The following RUSC2 variants were observed in gnomAD, a reference collection of about 807,000 sequenced individuals.
RUSC2 encodes the protein RUN and SH3 domain containing 2, also known as AP-4 complex accessory subunit RUSC2.
A neutral mutation model predicts 122.2 loss-of-function variants in RUSC2; 34 were observed. The ratio of observed to expected loss-of-function variants is 0.28; its 90% CI spans 0.21 to 0.37. The LOEUF (loss-of-function observed/expected upper bound fraction) is 0.37, where lower values mean the gene tolerates loss of function less well. Among genes scored for constraint, RUSC2 ranks in the 10% least tolerant of loss-of-function variants. RUSC2 has a pLI of 1.00. For synonymous variants in RUSC2, 784 were observed against 790.0 expected, an observed-to-expected ratio of 0.99 and a Z score of 0.13; for missense variants, 1,747 against 1,952.4, an observed-to-expected ratio of 0.89 and a Z score of 1.98.
chr9:35,498,735 C>T (rs1027213761), intron 1 of RUSC2, among the ~76,000 whole-genome samples: 4 of 151,234 alleles, frequency 2.6e-5, no homozygotes, highest in African/African-American at 9.7e-5. Flanking sequence ...GTGGTGCGTG[C>T]CTGTAGTCCC....
chr9:35,507,233 A>T lies in RUSC2; in HGVS notation c.-93+17061A>T, dbSNP rs1438316105. Among the ~76,000 whole-genome samples the T allele has an allele frequency of 2.0e-5, 3 of 152,244 alleles. No individual in the cohort carries two copies. The East Asian group carries it at 5.8e-4, about 29-fold the overall frequency. On this transcript the variant is annotated intron_variant, in intron 1 of 11. Coordinates refer to ENST00000361226, the MANE Select transcript of RUSC2 (RefSeq NM_014806.5). Reference sequence around the variant, plus strand: ...AATTTTGCATGGATGTAATTGTAGCATTAAGATTATTTTATATTCTGCTTT... The same window carrying T: ...AATTTTGCATGGATGTAATTGTAGCTTTAAGATTATTTTATATTCTGCTTT...
At chr9:35,494,988 T>G (rs1587831509) in intron 1 of RUSC2, among the ~76,000 whole-genome samples, 1 of 117,374 alleles carries the variant, frequency 8.5e-6, no homozygotes, top group East Asian at 2.2e-4. Flanking sequence ...ATATAATATA[T>G]ATTTTATATA....
rs1821636853 is a variant in RUSC2 at position 35,541,287 on chromosome 9, A to G, written c.-92-5143A>G. Among the ~76,000 whole-genome samples, 4 of 151,958 alleles carry G rather than the reference A, an allele frequency of 2.6e-5. No individual in the cohort carries two copies. In the South Asian group the frequency reaches 8.3e-4, roughly 32 times the overall value. On this transcript the variant is annotated intron_variant, in intron 1 of 11. Transcript: ENST00000361226. Reference sequence around the variant, plus strand: ...CCATGTCTCTCCATTTAGTCAGGGCAGAAAAAGTCTGAAATGAGCTCTTCC... The same window carrying G: ...CCATGTCTCTCCATTTAGTCAGGGCGGAAAAAGTCTGAAATGAGCTCTTCC...
chr9:35,544,951 C>T (rs1821716728), intron 1 of RUSC2, among the ~76,000 whole-genome samples: 1 of 152,190 alleles, frequency 6.6e-6, no homozygotes, highest in South Asian at 2.1e-4. Context: ...ATTAAACACA[C>T]AAAGGCTTGG....
At chr9:35,491,213 G>A (rs935792373) in intron 1 of RUSC2, among the ~76,000 whole-genome samples, 2 of 152,306 alleles carry the variant, frequency 1.3e-5, no homozygotes, top group African/African-American at 4.8e-5. Flanking sequence ...GGTTCCACGC[G>A]GAAGCAGGTG....
At chr9:35,531,881 C>T (rs1821426226) in intron 1 of RUSC2, among the ~76,000 whole-genome samples, 1 of 152,112 alleles carries the variant, frequency 6.6e-6, no homozygotes, top group African/African-American at 2.4e-5. Flanking sequence ...AAAAAATTAG[C>T]CAGGCGTGGT....
Position 35,546,759 on chromosome 9 carries a change from T to G in RUSC2, c.238T>G (p.Ser80Ala). The G allele has an allele frequency of 6.3e-7, 1 of 1,598,330 alleles. No individual in the cohort carries two copies. The highest frequency in any genetic ancestry group is 8.5e-7 in the Non-Finnish European group (1 of 1,172,678). ...LHSTPGGTAR[S>A]IDSTKSRSRD... The stretch of plus-strand genomic sequence containing the variant: ...CTCTACTCCAGGAGGAACTGCACGG[T>G]CTATAGACAGCACCAAGAGTAGGAG... The change falls in exon 2 of 12, where the codon TCT becomes GCT. Residue 80 changes from serine (S) to alanine (A), a missense_variant. Physicochemically the swap from Ser to Ala is moderately conservative, Grantham distance 99. Transcript: ENST00000361226. The surrounding 1 kb of genome is among the most constrained non-coding windows in gnomAD (Gnocchi z 4.3).
intron 1 of RUSC2, among the ~76,000 whole-genome samples, chr9:35,511,998 G>T (rs898961985): frequency 2.6e-5 from 4 of 152,120 alleles, no homozygotes; most frequent in African/African-American, 9.7e-5. Context: ...GGCTAACAAG[G>T]TGAAACCCCG....
At chr9:35,556,217 A>G (rs1487759731) in intron 4 of RUSC2, 80 bp downstream of exon 4, 1 of 1,597,624 alleles carries the variant, frequency 6.3e-7, no homozygotes, top group Non-Finnish European at 8.5e-7. Flanking sequence ...TCAGTCCCAA[A>G]GGAACGTGTC....
chr9:35,527,055 G>A (rs1051238499), intron 1 of RUSC2, among the ~76,000 whole-genome samples: 6 of 151,142 alleles, frequency 4.0e-5, no homozygotes, highest in Non-Finnish European at 8.8e-5. Flanking sequence ...CTGTTTCTAT[G>A]TGATTTCTTC....
intron 1 of RUSC2, among the ~76,000 whole-genome samples, chr9:35,544,244 T>G (rs1821699035): frequency 1.3e-5 from 2 of 152,150 alleles, no homozygotes; most frequent in Admixed American, 1.3e-4. Flanking sequence ...TAGACACTTG[T>G]ATGTCTTCTT....
In RUSC2 at chr9:35,555,230, C is replaced by G; in HGVS notation, c.2185C>G (p.Gln729Glu). Reference protein sequence around the residue: ...LYSLSGCSRTQQPAPLAAPAA... With the variant: ...LYSLSGCSRTEQPAPLAAPAA... ...CAGCCTCTCAGGCTGCAGCCGTACACAGCAGCCTGCCCCACTGGCTGCCCC... is the reference window on the plus strand; with the variant it reads ...CAGCCTCTCAGGCTGCAGCCGTACAGAGCAGCCTGCCCCACTGGCTGCCCC... The change falls in exon 3 of 12, where the codon CAG becomes GAG. Residue 729 changes from glutamine to glutamate, a missense_variant. Physicochemically the swap from Gln to Glu is conservative, Grantham distance 29. Transcript: ENST00000361226. The surrounding 1 kb of genome is among the most constrained non-coding windows in gnomAD (Gnocchi z 4.6). 6.2e-7 allele frequency: 1 copy of G among 1,613,170 alleles called. No individual in the cohort carries two copies.
intron 1 of RUSC2, among the ~76,000 whole-genome samples, chr9:35,519,408 G>A (rs571898505): frequency 2.0e-4 from 31 of 152,176 alleles, no homozygotes; most frequent in Non-Finnish European, 2.4e-4. Flanking sequence ...TCACCTACTG[G>A]AATATGATCT....
intron 2 of RUSC2, chr9:35,549,297 T>TTG: frequency 1.1e-6 from 1 of 946,676 alleles, no homozygotes; most frequent in Non-Finnish European, 1.3e-6. Context: ...AGTGAAGTTT[T>TTG]TTTTTTTTTC....
chr9:35,491,212 C>T (rs1343814043), intron 1 of RUSC2, among the ~76,000 whole-genome samples: 1 of 151,948 alleles, frequency 6.6e-6, no homozygotes, highest in Non-Finnish European at 1.5e-5. Flanking sequence ...GGGTTCCACG[C>T]GGAAGCAGGT....
chr9:35,528,272 C>T (rs1171033000), intron 1 of RUSC2, among the ~76,000 whole-genome samples: 2 of 151,882 alleles, frequency 1.3e-5, no homozygotes, highest in South Asian at 2.1e-4. Flanking sequence ...TGTAGTCCCA[C>T]CTACTTGTGG....
chr9:35,557,911 C>T lies in RUSC2; in HGVS notation c.2984-3C>T, dbSNP rs751182695. 2 of 1,613,998 alleles carry T rather than the reference C, an allele frequency of 1.2e-6. No individual in the cohort carries two copies. The highest frequency in any genetic ancestry group is 1.7e-6 in the Non-Finnish European group (2 of 1,179,856). On this transcript the variant is annotated splice_polypyrimidine_tract_variant and splice_region_variant and intron_variant, in intron 5 of 11. Transcript: ENST00000361226. The surrounding 1 kb of genome is among the most constrained non-coding windows in gnomAD (Gnocchi z 4.6). The stretch of plus-strand genomic sequence containing the variant: ...ACCTGTCACATCACATTCTTCCCTG[C>T]AGGGCTGGTAAAAGCTGTTAACATC...
In RUSC2 at chr9:35,561,314, C is replaced by G. The variant is rs377260830; in HGVS notation, c.4483C>G (p.Leu1495Val). Reference protein sequence around the residue: ...LRCSRGPDSGLVPLAYVTLTP... With the variant: ...LRCSRGPDSGVVPLAYVTLTP... ...CTGCAGCCGTGGCCCCGACTCTGGC[C>G]TGGTGCCCCTGGCCTACGTGACATT... Residue 1495 changes from leucine to valine, a missense_variant, in exon 12 of 12, where the codon CTG (leucine) becomes GTG (valine). Leu to Val is a conservative substitution (Grantham distance 32). Transcript: ENST00000361226. 5 of 1,614,160 alleles carry G rather than the reference C, an allele frequency of 3.1e-6. No homozygotes were observed. Among genetic ancestry groups the G allele is most frequent in the East Asian group, 2.2e-5 (1 of 44,876 alleles).
intron 1 of RUSC2, among the ~76,000 whole-genome samples, chr9:35,504,029 C>T (rs910801926): frequency 6.6e-6 from 1 of 152,192 alleles, no homozygotes; most frequent in Non-Finnish European, 1.5e-5. Flanking sequence ...CCCGCCTCGG[C>T]CTGCCAAAGT....
Sources: allele counts gnomAD v4.1 joint callset (sites outside exome capture counted in the v4.1 genomes callset), GRCh38; gene constraint gnomAD v4.1.1; non-coding constraint Gnocchi (gnomAD v3.1); transcripts MANE v1.5; gene names NCBI Gene and HGNC (gene_info 2026-07-23, HGNC 2026-07-21).